Variants in PREX2 observed in about 807,000 individuals in gnomAD.
PREX2 encodes phosphatidylinositol 3,4,5-trisphosphate-dependent Rac exchanger 2 protein.
Under a neutral mutation model 203.2 loss-of-function variants are expected in PREX2, and 107 were observed. That is an observed-to-expected ratio of 0.53 (90% CI 0.45 to 0.62). The LOEUF is 0.62. PREX2 is among the 20% of genes least tolerant of loss of function. The probability of loss-of-function intolerance (pLI) is 0.00; values close to 1 mark genes in which losing one functional copy is unlikely to be tolerated. For synonymous variants in PREX2, 672 were observed against 663.6 expected (o/e 1.01, Z -0.19); for missense variants, 1,777 against 1,955.9 (o/e 0.91, Z 1.72).
intron 34 of PREX2, among the ~76,000 whole-genome samples, chr8:68,154,647 A>C (rs1286062187): frequency 3.4e-4 from 51 of 152,226 alleles, no homozygotes; most frequent in Admixed American, 3.3e-3. Flanking sequence ...TCAGGACCAG[A>C]ATTTCGTTGA....
chr8:68,217,304 A>T (rs957567940), intron 37 of PREX2, among the ~76,000 whole-genome samples: 5 of 152,234 alleles, frequency 3.3e-5, no homozygotes, highest in Non-Finnish European at 5.9e-5. Context: ...ATTACATGAA[A>T]TATCATTAAA....
At chr8:67,966,171 T>C (rs1211667628) in intron 1 of PREX2, among the ~76,000 whole-genome samples, 1 of 152,148 alleles carries the variant, frequency 6.6e-6, no homozygotes, top group East Asian at 1.9e-4. Flanking sequence ...AGATTCACCT[T>C]TGATGATGTT....
intron 10 of PREX2, among the ~76,000 whole-genome samples, chr8:68,060,113 G>A (rs551315236): frequency 2.0e-5 from 3 of 152,278 alleles, no homozygotes; most frequent in Non-Finnish European, 4.4e-5. Context: ...GAAAAACCAA[G>A]GGGAGGGAAT....
At chr8:68,100,315 G>GTTCTAGGTTCCAGGAATA (rs1199033159) in intron 23 of PREX2, 2 of 402,060 alleles carry the variant, frequency 5.0e-6, no homozygotes, top group Non-Finnish European at 9.6e-6. Flanking sequence ...GCCAAGTACT[G>GTTCTAGGTTCCAGGAATA]TTCTAGGTTC....
intron 19 of PREX2, 26 bp from the exon 20 acceptor site, chr8:68,090,553 G>C: frequency 6.3e-7 from 1 of 1,577,550 alleles, no homozygotes. Flanking sequence ...ATTTGTTTTT[G>C]GTTATTTTCT....
intron 31 of PREX2, among the ~76,000 whole-genome samples, chr8:68,130,307 G>A (rs543812285): frequency 4.4e-4 from 67 of 151,572 alleles, no homozygotes; most frequent in South Asian, 1.7e-3. Context: ...AAAACAAAAC[G>A]AAACAAAAAC....
chr8:68,064,545 T>C (rs1295839870), intron 11 of PREX2, among the ~76,000 whole-genome samples: 1 of 151,668 alleles, frequency 6.6e-6, no homozygotes, highest in Admixed American at 6.6e-5. Flanking sequence ...ATTTGTTTTT[T>C]TTTTTTTTAA....
intron 31 of PREX2, among the ~76,000 whole-genome samples, chr8:68,128,783 G>A (rs1810946567): frequency 6.6e-6 from 1 of 152,074 alleles, no homozygotes; most frequent in African/African-American, 2.4e-5. Context: ...TGAAGGAAAG[G>A]GTCTCAAAAT....
chr8:68,051,052 A>G (rs1808514176), intron 8 of PREX2, among the ~76,000 whole-genome samples: 2 of 152,120 alleles, frequency 1.3e-5, no homozygotes, highest in East Asian at 3.9e-4. Flanking sequence ...CTTTTGAGCT[A>G]AGAAGTGGCC....
chr8:68,144,453 T>C lies in PREX2; in HGVS notation c.4088-1756T>C, dbSNP rs186446197. On this transcript the variant is annotated intron_variant, in intron 33 of 39. Coordinates refer to ENST00000288368, the MANE Select transcript of PREX2 (RefSeq NM_024870.4). ...ATTTTATTTTGGGGAGGTGCTAATA[T>C]AAATGGTATTATGTTGTTAATTTCA... 7.8e-3 allele frequency among the ~76,000 whole-genome samples: 1,188 copies of C among 152,322 alleles called. 6 individuals are homozygous for C. Among genetic ancestry groups the C allele is most frequent in the African/African-American group, 0.011 (459 of 41,582 alleles).
intron 8 of PREX2, among the ~76,000 whole-genome samples, chr8:68,047,469 TTATA>T (rs3056653): frequency 0.077 from 8,999 of 117,206 alleles, 374 homozygotes; most frequent in East Asian, 0.16. Context: ...ATGGATGAAT[TTATA>T]TATATATATA....
intron 38 of PREX2, among the ~76,000 whole-genome samples, chr8:68,223,827 T>G (rs1184065856): frequency 6.6e-6 from 1 of 152,178 alleles, no homozygotes; most frequent in Admixed American, 6.5e-5. Context: ...CAAAAATTGC[T>G]TTAGAATTAG....
chr8:68,044,593 A>G lies in PREX2; in HGVS notation c.943+3A>G, dbSNP rs369812488. 1.9e-6 allele frequency: 3 copies of G among 1,604,594 alleles called. No homozygotes were observed. The highest frequency in any genetic ancestry group is 2.7e-5 in the African/African-American group (2 of 74,662). On this transcript the variant is annotated splice_donor_region_variant and intron_variant, in intron 8 of 39. Transcript: ENST00000288368. ...GGAGAATGTGGATGATGGCACCGGTAAGTGATTTGTAGATTTTAAATGGGA... is the reference window on the plus strand; with the variant it reads ...GGAGAATGTGGATGATGGCACCGGTGAGTGATTTGTAGATTTTAAATGGGA...
At chr8:68,071,013 C>T (rs185118870) in intron 13 of PREX2, among the ~76,000 whole-genome samples, 80 of 152,212 alleles carry the variant, frequency 5.3e-4, no homozygotes, top group Non-Finnish European at 8.4e-4. Context: ...ATATTAAGTA[C>T]TTAATAGCAA....
intron 37 of PREX2, among the ~76,000 whole-genome samples, chr8:68,210,576 C>G (rs926464482): frequency 6.6e-6 from 1 of 152,214 alleles, no homozygotes; most frequent in Middle Eastern, 3.2e-3. Flanking sequence ...TTGTGAGTTA[C>G]TGAATCACCC....
chr8:68,093,178 G>A (rs528164828), intron 20 of PREX2, among the ~76,000 whole-genome samples: 1 of 152,102 alleles, frequency 6.6e-6, no homozygotes, highest in East Asian at 1.9e-4. Context: ...ATCACCTGAG[G>A]TCGGGAGTTC....
chr8:67,970,397 A>C (rs922932546), intron 1 of PREX2, among the ~76,000 whole-genome samples: 1 of 152,214 alleles, frequency 6.6e-6, no homozygotes, highest in Non-Finnish European at 1.5e-5. Flanking sequence ...TGTAATGACC[A>C]TCAGCCTTTC....
intron 3 of PREX2, among the ~76,000 whole-genome samples, chr8:68,021,117 A>T (rs1807555244): frequency 6.6e-6 from 1 of 152,190 alleles, no homozygotes; most frequent in African/African-American, 2.4e-5. Flanking sequence ...AGAGATCATG[A>T]TGGTACAAAT....
intron 35 of PREX2, among the ~76,000 whole-genome samples, chr8:68,181,002 G>A (rs569239956): frequency 2.6e-5 from 4 of 152,242 alleles, no homozygotes; most frequent in African/African-American, 9.6e-5. Context: ...ATTCAATATT[G>A]CATGAGATTG....
Sources: gnomAD v4.1 joint callset for allele counts (sites outside exome capture counted in the v4.1 genomes callset) on GRCh38, gnomAD v4.1.1 for gene constraint, MANE v1.5 for transcripts, NCBI Gene and HGNC (gene_info 2026-07-23, HGNC 2026-07-21) for gene names.